The following GLIS3 variants were observed in gnomAD, a reference collection of about 807,000 sequenced individuals.
GLIS3 encodes GLIS family zinc finger 3.
In GLIS3, 53 loss-of-function variants were observed where a neutral mutation model predicts 78.6. The observed-to-expected ratio is 0.67, with a 90% CI of 0.54 to 0.85. GLIS3 has a LOEUF of 0.85. GLIS3 is among the 40% of genes least tolerant of loss of function. The pLI, the probability that GLIS3 is intolerant of heterozygous loss-of-function variation, is 0.00. For synonymous variants in GLIS3, 684 were observed against 509.9 expected (o/e 1.34, Z -4.60); for missense variants, 1,703 against 1,231.1 (o/e 1.38, Z -5.74).
chr9:4,332,506 C>A (rs1817700795), intron 2 of GLIS3, among the ~76,000 whole-genome samples: 1 of 152,186 alleles, frequency 6.6e-6, no homozygotes, highest in Admixed American at 6.5e-5. Context: ...TTCCTCTCTC[C>A]CGTCTTGCTG....
rs922250637 is a variant in GLIS3, at chr9:4,182,471, G to A, written c.389-56530C>T. Among the ~76,000 whole-genome samples, 19 of 152,148 alleles carry A rather than the reference G, an allele frequency of 1.2e-4. No individual in the cohort carries two copies. The South Asian group carries it at 2.3e-3, about 18-fold the overall frequency. ...AAACCTGAAACTTCTCCACACTGTC[G>A]GGGATATTTTATCATCAGTGACAGT... On this transcript the variant is annotated intron_variant, in intron 2 of 10. Transcript: ENST00000381971.
intron 8 of GLIS3, among the ~76,000 whole-genome samples, chr9:3,868,288 G>A (rs1820737845): frequency 6.6e-6 from 1 of 152,144 alleles, no homozygotes; most frequent in Admixed American, 6.5e-5. Context: ...CAGATATAAT[G>A]GAGACAAGTG....
intron 3 of GLIS3, among the ~76,000 whole-genome samples, chr9:4,309,627 G>C (rs1024800648): frequency 4.6e-5 from 7 of 152,160 alleles, no homozygotes; most frequent in African/African-American, 1.7e-4. Flanking sequence ...GTCAGGCCCA[G>C]TCTACATTTC....
At chr9:4,205,066 C>T (rs1279613661) in intron 2 of GLIS3, among the ~76,000 whole-genome samples, 1 of 151,258 alleles carries the variant, frequency 6.6e-6, no homozygotes, top group Non-Finnish European at 1.5e-5. Context: ...ATCCCAGCTA[C>T]TTGGGAGGCT....
chr9:4,393,468 C>T, the GLIS3 span, among the ~76,000 whole-genome samples: 1 of 152,318 alleles, frequency 6.6e-6, no homozygotes, highest in South Asian at 2.1e-4. Flanking sequence ...CATATCCTCT[C>T]TTCATCCATT....
intron 4 of GLIS3, among the ~76,000 whole-genome samples, chr9:4,109,313 A>T (rs1831023591): frequency 6.6e-6 from 1 of 152,230 alleles, no homozygotes; most frequent in Non-Finnish European, 1.5e-5. Flanking sequence ...CATACACAGG[A>T]TAATGTATGC....
chr9:4,452,625 A>G, the GLIS3 span, among the ~76,000 whole-genome samples: 3 of 152,116 alleles, frequency 2.0e-5, no homozygotes, highest in East Asian at 3.8e-4. Flanking sequence ...ATGTGAAGGA[A>G]CTCTTCAAAG....
At chr9:4,428,349 T>G in the GLIS3 span, among the ~76,000 whole-genome samples, 1 of 151,712 alleles carries the variant, frequency 6.6e-6, no homozygotes, top group Admixed American at 6.6e-5. Context: ...CTTGGTGGCA[T>G]GCACCTGTAG....
chr9:3,962,052 A>G (rs1051560533), intron 4 of GLIS3, among the ~76,000 whole-genome samples: 1 of 152,028 alleles, frequency 6.6e-6, no homozygotes, highest in African/African-American at 2.4e-5. Context: ...AAAAAATAAT[A>G]ATAATAAAAT....
At chr9:4,273,609 A>G (rs1180532395) in intron 2 of GLIS3, among the ~76,000 whole-genome samples, 1 of 93,666 alleles carries the variant, frequency 1.1e-5, no homozygotes, top group Non-Finnish European at 2.5e-5. Flanking sequence ...ATAAATAAAT[A>G]AATAAATAAA....
chr9:4,392,395 A>C, the GLIS3 span, among the ~76,000 whole-genome samples: 5 of 152,172 alleles, frequency 3.3e-5, no homozygotes, highest in African/African-American at 4.8e-5. Context: ...TGGAACTTAA[A>C]ATAAAATTAC....
At chr9:3,872,549 G>A (rs1291974592) in intron 8 of GLIS3, among the ~76,000 whole-genome samples, 1 of 152,200 alleles carries the variant, frequency 6.6e-6, no homozygotes, top group Non-Finnish European at 1.5e-5. Context: ...CAAAGAGAAT[G>A]AGGAAGACAC....
intron 4 of GLIS3, among the ~76,000 whole-genome samples, chr9:3,958,438 G>A (rs1817308337): frequency 6.6e-6 from 1 of 152,244 alleles, no homozygotes; most frequent in East Asian, 1.9e-4. Flanking sequence ...AAGCAATAAT[G>A]CCCACAAGTA....
the GLIS3 span, among the ~76,000 whole-genome samples, chr9:4,385,560 G>C: frequency 6.6e-6 from 1 of 151,686 alleles, no homozygotes; most frequent in East Asian, 1.9e-4. Flanking sequence ...AGCTACTCGG[G>C]AGGCCGAGGC....
intron 9 of GLIS3, among the ~76,000 whole-genome samples, chr9:3,838,703 T>C (rs1006245362): frequency 6.0e-5 from 9 of 151,198 alleles, no homozygotes; most frequent in Non-Finnish European, 7.4e-5. Flanking sequence ...CCCAACCAAC[T>C]ACACTAAACA....
chr9:4,320,901 CA>C (rs1167071271), intron 2 of GLIS3, among the ~76,000 whole-genome samples: 1 of 152,070 alleles, frequency 6.6e-6, no homozygotes, highest in Non-Finnish European at 1.5e-5. Flanking sequence ...TAAGTTTTTT[CA>C]AAATGCAAGT....
intron 2 of GLIS3, among the ~76,000 whole-genome samples, chr9:4,256,934 T>C (rs897231339): frequency 4.6e-5 from 7 of 152,188 alleles, no homozygotes; most frequent in East Asian, 1.9e-4. Flanking sequence ...AGCCACGATA[T>C]TGAAACAACT....
chr9:4,103,428 T>C (rs929041446), intron 4 of GLIS3, among the ~76,000 whole-genome samples: 1 of 152,068 alleles, frequency 6.6e-6, no homozygotes, highest in African/African-American at 2.4e-5. Context: ...ACTGAGAAGA[T>C]ACATTCAGGG....
chr9:4,398,592 C>G, the GLIS3 span, among the ~76,000 whole-genome samples: 2 of 152,160 alleles, frequency 1.3e-5, no homozygotes, highest in Middle Eastern at 6.8e-3. Flanking sequence ...GCAGCTCTCC[C>G]TTTAGCTAAA....
Sources: allele counts gnomAD v4.1 joint callset (sites outside exome capture counted in the v4.1 genomes callset), GRCh38; gene constraint gnomAD v4.1.1; transcripts MANE v1.5; gene names NCBI Gene and HGNC (gene_info 2026-07-23, HGNC 2026-07-21).